Variants in VPS13C observed in about 807,000 individuals in gnomAD.
The protein encoded by VPS13C is vacuolar protein sorting 13 homolog C.
Under a neutral mutation model 456.8 loss-of-function variants are expected in VPS13C, and 358 were observed. The ratio of observed to expected loss-of-function variants is 0.78; its 90% confidence interval spans 0.72 to 0.86. The LOEUF (loss-of-function observed/expected upper bound fraction) is 0.86, where lower values mean the gene tolerates loss of function less well. VPS13C is among the 40% of genes least tolerant of loss of function. The pLI, the probability that VPS13C is intolerant of heterozygous loss-of-function variation, is 0.00. For synonymous variants in VPS13C, 1,578 were observed against 1,486.7 expected, an observed-to-expected ratio of 1.06 and a Z score of -1.41; for missense variants, 4,818 against 4,385.4, an observed-to-expected ratio of 1.10 and a Z score of -2.79.
intron 66 of VPS13C, among the ~76,000 whole-genome samples, chr15:61,895,687 T>G (rs975285075): frequency 6.6e-6 from 1 of 152,056 alleles, no homozygotes; most frequent in African/African-American, 2.4e-5. Context: ...TCATGTTAAG[T>G]GAAATAAGCC....
At chr15:61,905,413 T>G (rs539978164) in intron 66 of VPS13C, among the ~76,000 whole-genome samples, 5 of 152,166 alleles carry the variant, frequency 3.3e-5, no homozygotes, top group South Asian at 4.1e-4. Context: ...TTAAATCTTA[T>G]GTTGTAATTT....
intron 81 of VPS13C, among the ~76,000 whole-genome samples, chr15:61,868,138 T>C (rs1471841191): frequency 6.6e-6 from 1 of 152,086 alleles, no homozygotes; most frequent in Admixed American, 6.5e-5. Context: ...TTTATATATG[T>C]ATATATTATC....
At chr15:61,868,472 A>T (rs1894754227) in intron 81 of VPS13C, among the ~76,000 whole-genome samples, 187 bp downstream of exon 81, 1 of 151,394 alleles carries the variant, frequency 6.6e-6, no homozygotes, top group African/African-American at 2.4e-5. Flanking sequence ...CCATGTAGAA[A>T]AAAAATCATC....
intron 79 of VPS13C, 45 bp from the exon 80 acceptor site, chr15:61,869,668 T>C (rs1894868156): frequency 6.2e-7 from 1 of 1,607,404 alleles, no homozygotes; most frequent in South Asian, 1.1e-5. Context: ...TATTTTTAAA[T>C]GAGCAAGTTT....
At chr15:62,029,877 C>T (rs1013679301) in intron 5 of VPS13C, among the ~76,000 whole-genome samples, 4 of 151,964 alleles carry the variant, frequency 2.6e-5, no homozygotes, top group Non-Finnish European at 5.9e-5. Flanking sequence ...AAAGAATTTT[C>T]GAAATTATAT....
Position 61,929,626 on chromosome 15 carries a change from A to G in VPS13C, c.6161T>C (p.Val2054Ala). ...ATCTGCCACAGTCATCAGAAATTCC[A>G]CACTGGCACATACATACAGCTTGTC... ...VLDKLYVCAS[V>A]EFLMTVADFF... The change falls in exon 51 of 85, where the codon GTG (valine) becomes GCG (alanine). Residue 2054 changes from valine (V) to alanine (A), a missense_variant. Val to Ala is a moderately conservative substitution (Grantham distance 64, BLOSUM62 0). Coordinates refer to ENST00000644861, the MANE Select transcript of VPS13C (RefSeq NM_020821.3). The G allele has an allele frequency of 6.2e-7, 1 of 1,614,130 alleles. No individual in the cohort carries two copies. Among genetic ancestry groups the G allele is most frequent in the African/African-American group, 1.3e-5 (1 of 75,040 alleles).
At chr15:62,042,042 T>C (rs2048259208) in intron 2 of VPS13C, among the ~76,000 whole-genome samples, 1 of 152,166 alleles carries the variant, frequency 6.6e-6, no homozygotes, top group Admixed American at 6.5e-5. Context: ...AAGAGTCTTT[T>C]TGCATAAATT....
At chr15:61,944,081 A>G (rs1252099214) in intron 45 of VPS13C, among the ~76,000 whole-genome samples, 1 of 152,214 alleles carries the variant, frequency 6.6e-6, no homozygotes, top group African/African-American at 2.4e-5. Flanking sequence ...AATCAAAACC[A>G]TAATGAGATA....
chr15:61,934,989 G>C (rs2044178693), intron 48 of VPS13C, among the ~76,000 whole-genome samples: 1 of 152,260 alleles, frequency 6.6e-6, no homozygotes, highest in African/African-American at 2.4e-5. Flanking sequence ...CTGACCTCGT[G>C]ATCTGCCCAC....
Position 61,931,868 on chromosome 15 carries a change from C to T in VPS13C, c.5869-609G>A, listed in dbSNP as rs7172147. On this transcript the variant is annotated intron_variant, in intron 49 of 84. Coordinates refer to ENST00000644861, the MANE Select transcript of VPS13C (RefSeq NM_020821.3). ...GTGCTGGGATTACAGGCATAAGCCA[C>T]TGCGCCCCGCCTCTAATAATAAATA... Among the ~76,000 whole-genome samples the T allele has an allele frequency of 8.0e-3, 1,212 of 152,196 alleles. 12 individuals carry two copies. Among genetic ancestry groups the T allele is most frequent in the African/African-American group, 0.028 (1,155 of 41,530 alleles).
chr15:62,044,235 G>A lies in VPS13C; in HGVS notation c.121C>T (p.Leu41=), dbSNP rs186009000. Reference sequence around the variant, plus strand: ...ACCAGGGCATTTTCTTTTATCTGTAGATTATCTAAAGCCACATTTCCTTTA... The same window carrying A: ...ACCAGGGCATTTTCTTTTATCTGTAAATTATCTAAAGCCACATTTCCTTTA... ...IWGGNVALDN[L]QIKENALSEL... The change falls in exon 2 of 85, where the codon CTA becomes TTA. Residue 41 remains leucine (L), a synonymous_variant. Transcript: ENST00000644861. The A allele has an allele frequency of 3.4e-6, 5 of 1,481,660 alleles. No homozygotes were observed. In the South Asian group the frequency reaches 5.9e-5, roughly 18 times the overall value. 91.8% of individuals were successfully genotyped at this position (1,481,660 alleles called of 1,614,324 possible).
At chr15:62,004,120 G>A (rs1168908528) in intron 15 of VPS13C, among the ~76,000 whole-genome samples, 1 of 151,908 alleles carries the variant, frequency 6.6e-6, no homozygotes, top group Admixed American at 6.6e-5. Flanking sequence ...TGTACCTCTG[G>A]TAGAATTCGG....
At position 61,865,682 on chromosome 15, in the gene VPS13C, GTATGTGTATATATA is replaced by G. The variant is rs1446940725; in HGVS notation, c.10864-2168_10864-2155del. ...TGTATGTGTATATATGTGTATATTT[GTATGTGTATATATA>G]TGTGTGTATATGTATGTGTGTATAT... On this transcript the variant is annotated intron_variant, in intron 81 of 84. Coordinates refer to ENST00000644861, the MANE Select transcript of VPS13C (RefSeq NM_020821.3). 1.3e-5 allele frequency: 5 copies of G among 383,510 alleles called. No individual in the cohort carries two copies. The East Asian group carries it at 8.2e-4, about 63-fold the overall frequency. The allele number at this position is 383,510 out of a possible 1,614,324, so 23.8% of individuals were successfully genotyped here.
intron 47 of VPS13C, among the ~76,000 whole-genome samples, chr15:61,940,291 A>G (rs755653394): frequency 5.3e-5 from 8 of 152,242 alleles, no homozygotes; most frequent in African/African-American, 1.7e-4. Context: ...TCCAAAATTA[A>G]GAATAATATT....
At position 62,013,963 on chromosome 15, in the gene VPS13C, T is replaced by C. The variant is rs1204892392; in HGVS notation, c.714A>G (p.Ile238Met). 49 of 1,610,518 alleles carry C rather than the reference T, an allele frequency of 3.0e-5. No individual in the cohort carries two copies. Among genetic ancestry groups the C allele is most frequent in the Non-Finnish European group, 3.9e-5 (46 of 1,178,072 alleles). ...ATATAATTTTGTCTGCTTCATTTAA[T>C]ATGCATGGAGTCCAGTGTTCATTTG... ...LTANEHWTPC[I>M]LNEADKIIYK... The change falls in exon 10 of 85, where the codon ATA becomes ATG. Residue 238 changes from isoleucine to methionine, a missense_variant. This residue lies in a region of VPS13C where 4,552 missense variants were observed against 4,130.6 expected (regional missense o/e 1.10). Coordinates refer to ENST00000644861, the MANE Select transcript of VPS13C (RefSeq NM_020821.3).
chr15:61,894,963 T>C (rs1444473900), intron 66 of VPS13C, among the ~76,000 whole-genome samples: 2 of 152,168 alleles, frequency 1.3e-5, no homozygotes, highest in African/African-American at 2.4e-5. Flanking sequence ...ATGGCCCATA[T>C]GGTAGGCCAC....
rs780553754 is a variant in VPS13C, at chr15:61,929,619, A to G, written c.6168T>C (p.Phe2056=). Residue 2056 remains phenylalanine, a synonymous_variant, in exon 51 of 85, where the codon TTT becomes TTC. Transcript: ENST00000644861. ...DKLYVCASVE[F]LMTVADFFIK... Reference sequence around the variant, plus strand: ...TAAAGAAATCTGCCACAGTCATCAGAAATTCCACACTGGCACATACATACA... The same window carrying G: ...TAAAGAAATCTGCCACAGTCATCAGGAATTCCACACTGGCACATACATACA... 11 of 1,614,152 alleles carry G rather than the reference A, an allele frequency of 6.8e-6. No individual in the cohort carries two copies. The South Asian group carries it at 1.2e-4, about 18-fold the overall frequency.
Position 61,877,016 on chromosome 15 carries a change from C to G in VPS13C, c.10181G>C (p.Arg3394Thr), listed in dbSNP as rs771226164. The G allele has an allele frequency of 1.2e-6, 2 of 1,609,868 alleles. No individual in the cohort carries two copies. Among genetic ancestry groups the G allele is most frequent in the South Asian group, 1.1e-5 (1 of 90,532 alleles). Residue 3394 changes from arginine to threonine, a missense_variant, in exon 75 of 85, where the codon AGA (arginine) becomes ACA (threonine). Physicochemically the swap from Arg to Thr is moderately conservative, Grantham distance 71. Transcript: ENST00000644861. ...AACAACACTCCATATAAGCTGATCTCTCTTGTAGAACTGATATCGAATTTC... is the reference window on the plus strand; with the variant it reads ...AACAACACTCCATATAAGCTGATCTGTCTTGTAGAACTGATATCGAATTTC... Reference protein sequence around the residue: ...YYEIRYQFYKRDQLIWSVVRH... With the variant: ...YYEIRYQFYKTDQLIWSVVRH...
chr15:62,025,982 G>T (rs574585102), intron 6 of VPS13C, among the ~76,000 whole-genome samples: 1 of 150,704 alleles, frequency 6.6e-6, no homozygotes, highest in African/African-American at 2.4e-5. Context: ...AAGTTGCATG[G>T]TTTTACATTC....
Sources: gnomAD v4.1 joint callset for allele counts (sites outside exome capture counted in the v4.1 genomes callset) on GRCh38, gnomAD v4.1.1 for gene constraint, gnomAD v4.1.1 regional missense constraint, MANE v1.5 for transcripts, NCBI Gene and HGNC (gene_info 2026-07-23, HGNC 2026-07-21) for gene names.